IL1RL1: variants seen among roughly 807,000 people sequenced by gnomAD.
IL1RL1 encodes interleukin 1 receptor like 1.
IL1RL1 carries 32 observed loss-of-function variants against 50.9 expected under a neutral mutation model. The observed-to-expected ratio is 0.63, with a 90% confidence interval of 0.47 to 0.84. The LOEUF is 0.84. Ranked by LOEUF, IL1RL1 falls within the 40% of genes least tolerant of loss-of-function variation. IL1RL1 has a pLI of 0.00. For synonymous variants in IL1RL1, 275 were observed against 236.0 expected (o/e 1.17, Z -1.51); for missense variants, 773 against 662.9 (o/e 1.17, Z -1.82).
intron 1 of IL1RL1, among the ~76,000 whole-genome samples, chr2:102,332,342 A>G (rs1050029120): frequency 6.6e-6 from 1 of 152,228 alleles, no homozygotes; most frequent in African/African-American, 2.4e-5. Context: ...CAGGAACTCA[A>G]ACAAATACTT....
rs143378674 is a variant in IL1RL1 at position 102,340,232 on chromosome 2, T to A, written c.407T>A (p.Ile136Asn). ...AATTCCAAAATTTATTGTCCTACCA[T>A]TGACCTCTACAACTGGACAGCACCT... ...EKNSKIYCPT[I>N]DLYNWTAPLE... The change falls in exon 4 of 11, where the codon ATT becomes AAT. Residue 136 changes from isoleucine (I) to asparagine (N), a missense_variant. Transcript: ENST00000233954. 3.3e-4 allele frequency: 532 copies of A among 1,605,610 alleles called. 5 individuals carry two copies. Among genetic ancestry groups the A allele is most frequent in the South Asian group, 6.6e-4 (59 of 89,142 alleles).
At chr2:102,330,629 CAT>C (rs1553663115) in intron 1 of IL1RL1, among the ~76,000 whole-genome samples, 2 of 152,136 alleles carry the variant, frequency 1.3e-5, no homozygotes, top group Non-Finnish European at 2.9e-5. Flanking sequence ...GTCTTTTCCT[CAT>C]TTTAAAAATT....
rs1306421519 is a variant in IL1RL1, at chr2:102,351,970, TCTC to T, written c.*52_*54del. ...ATCTGAGTTTGAAGCTTTCCTGACT[TCTC>T]CTAGCTGGCTTATGCCCCTGCACTG... is the stretch of plus-strand genomic sequence containing the variant. On this transcript the variant is annotated 3_prime_UTR_variant, in exon 11 of 11. Coordinates refer to ENST00000233954, the MANE Select transcript of IL1RL1 (RefSeq NM_016232.5). 6.5e-7 allele frequency: 1 copy of T among 1,541,396 alleles called. No individual in the cohort carries two copies. The highest frequency in any genetic ancestry group is 1.3e-5 in the South Asian group (1 of 79,966).
At position 102,350,012 on chromosome 2, in the gene IL1RL1, T is replaced by C. The variant is rs191912006; in HGVS notation, c.1285+766T>C. ...GAAGAGGAATTCACATGCCTATAGA[T>C]GTAAAGGTATGAACAACAGGTGACT... On this transcript the variant is annotated intron_variant, in intron 10 of 10. Transcript: ENST00000233954. Among the ~76,000 whole-genome samples the C allele has an allele frequency of 6.6e-5, 10 of 152,304 alleles. No individual in the cohort carries two copies. In the East Asian group the frequency reaches 1.3e-3, roughly 21 times the overall value.
chr2:102,322,614 G>T (rs1009031956), intron 1 of IL1RL1, among the ~76,000 whole-genome samples: 4 of 152,156 alleles, frequency 2.6e-5, no homozygotes, highest in Admixed American at 1.3e-4. Context: ...CATAATGAGA[G>T]AATATGATTT....
Position 102,351,523 on chromosome 2 carries a change from C to A in IL1RL1, c.1286-13C>A. 1 of 1,605,636 alleles carries A rather than the reference C, an allele frequency of 6.2e-7. No individual in the cohort carries two copies. On this transcript the variant is annotated splice_polypyrimidine_tract_variant and intron_variant, in intron 10 of 10. Transcript: ENST00000233954. ...GACTGATAAGAAATCTGATCTATTT[C>A]TTGTATGACTAGATGTAGTCACTGC...
At chr2:102,348,343 G>A (rs769977288) in intron 9 of IL1RL1, among the ~76,000 whole-genome samples, 1 of 152,148 alleles carries the variant, frequency 6.6e-6, no homozygotes, top group Non-Finnish European at 1.5e-5. Flanking sequence ...TATTCCTACT[G>A]AGTTCCCAAT....
chr2:102,320,954 C>T (rs1303232705), intron 1 of IL1RL1, among the ~76,000 whole-genome samples: 5 of 152,226 alleles, frequency 3.3e-5, no homozygotes, highest in African/African-American at 1.2e-4. Flanking sequence ...TAATAAAAGC[C>T]AAGGTGCTCA....
chr2:102,316,584 A>G (rs1676680399), intron 1 of IL1RL1, among the ~76,000 whole-genome samples: 1 of 152,224 alleles, frequency 6.6e-6, no homozygotes, highest in Admixed American at 6.5e-5. Context: ...ATTTTTATAA[A>G]AAAGAAAGCA....
chr2:102,339,111 T>G, intron 3 of IL1RL1, 64 bp downstream of exon 3: 1 of 1,146,174 alleles, frequency 8.7e-7, no homozygotes, highest in Non-Finnish European at 1.3e-6. Context: ...GTTGATTGCC[T>G]GAGCTGCCCT....
chr2:102,319,791 C>T (rs1057328604), intron 1 of IL1RL1, among the ~76,000 whole-genome samples: 9 of 152,148 alleles, frequency 5.9e-5, no homozygotes, highest in South Asian at 2.1e-4. Context: ...CAGGCTCAAG[C>T]GATCCTCTTG....
chr2:102,337,153 T>C (rs1677355296), intron 1 of IL1RL1: 1 of 152,346 alleles, frequency 6.6e-6, no homozygotes, highest in South Asian at 2.1e-4. Context: ...TCTTAGTACA[T>C]GATGCACCAG....
chr2:102,348,835 GTCCACTTT>G (rs1677851356), intron 9 of IL1RL1, among the ~76,000 whole-genome samples: 1 of 152,154 alleles, frequency 6.6e-6, no homozygotes, highest in Non-Finnish European at 1.5e-5. Context: ...ACAGGTTCTT[GTCCACTTT>G]TTTGTTATTT....
intron 1 of IL1RL1, among the ~76,000 whole-genome samples, chr2:102,328,926 T>C (rs983442527): frequency 2.6e-5 from 4 of 152,272 alleles, no homozygotes; most frequent in South Asian, 2.1e-4. Flanking sequence ...AGTTAATTTA[T>C]AGATTCAATG....
intron 5 of IL1RL1, chr2:102,341,277 G>C: frequency 8.0e-7 from 1 of 1,253,494 alleles, no homozygotes; most frequent in East Asian, 6.3e-5. Context: ...CTTTGTGATG[G>C]TATACTATGG....
At chr2:102,340,583 G>A (rs1677515822) in intron 4 of IL1RL1, 83 bp from the exon 5 acceptor site, 1 of 1,428,812 alleles carries the variant, frequency 7.0e-7, no homozygotes. Flanking sequence ...ACTCACTCCA[G>A]CCTAGGCAAC....
chr2:102,344,943 T>A (rs1677725936), intron 8 of IL1RL1: 2 of 960,100 alleles, frequency 2.1e-6, no homozygotes, highest in African/African-American at 1.8e-5. Flanking sequence ...AAGGACAACA[T>A]GAAACTGATG....
chr2:102,331,194 T>C (rs1397107775), intron 1 of IL1RL1, among the ~76,000 whole-genome samples: 1 of 152,230 alleles, frequency 6.6e-6, no homozygotes, highest in African/African-American at 2.4e-5. Context: ...TTTGTTCTTT[T>C]TCTTTAACCA....
chr2:102,323,833 A>G (rs745315502), intron 1 of IL1RL1, among the ~76,000 whole-genome samples: 10 of 152,168 alleles, frequency 6.6e-5, no homozygotes, highest in Non-Finnish European at 1.5e-4. Flanking sequence ...CTCAATTGAC[A>G]TATTCCACAA....
Sources: gnomAD v4.1 joint callset for allele counts (sites outside exome capture counted in the v4.1 genomes callset) on GRCh38, gnomAD v4.1.1 for gene constraint, MANE v1.5 for transcripts, NCBI Gene and HGNC (gene_info 2026-07-23, HGNC 2026-07-21) for gene names.